CYP3A43: variants seen among roughly 807,000 people sequenced by gnomAD.
CYP3A43 encodes cytochrome P450 3A43.
In CYP3A43, 45 loss-of-function variants were observed where a neutral mutation model predicts 58.0. That is an observed-to-expected ratio of 0.78 (90% CI 0.61 to 0.99). The LOEUF is 0.99. CYP3A43 is among the 50% of genes least tolerant of loss of function. The pLI, the probability that CYP3A43 is intolerant of heterozygous loss-of-function variation, is 0.00. For missense variants in CYP3A43, 593 were observed against 591.9 expected (o/e 1.00, Z -0.02); for synonymous variants, 191 against 201.4 (o/e 0.95, Z 0.44).
rs1290252737 is a variant in CYP3A43, at chr7:99,859,976, G to A, written c.1012G>A (p.Val338Ile). Residue 338 changes from valine (V) to isoleucine (I), a missense_variant, in exon 10 of 13, where the codon GTT becomes ATT. Val to Ile is a conservative substitution (Grantham distance 29). Coordinates refer to ENST00000354829, the MANE Select transcript of CYP3A43 (RefSeq NM_057095.3). ...QQKLQEEIDAVLPNKAPVTYD... is the reference protein window; with the variant it reads ...QQKLQEEIDAILPNKAPVTYD... ...GAAACTGCAGGAGGAGATTGACGCA[G>A]TTTTACCCAATAAGGTAAGGGGATG... The A allele has an allele frequency of 1.0e-5, 16 of 1,605,470 alleles. No homozygotes were observed. The highest frequency in any genetic ancestry group is 1.3e-5 in the Non-Finnish European group (15 of 1,176,224).
intron 1 of CYP3A43, among the ~76,000 whole-genome samples, chr7:99,832,367 G>C (rs1816879731): frequency 6.6e-6 from 1 of 151,888 alleles, no homozygotes; most frequent in Admixed American, 6.6e-5. Flanking sequence ...TGGATCATAG[G>C]GGTGTTTTCA....
Position 99,847,934 on chromosome 7 carries a change from T to A in CYP3A43, c.433-232T>A, listed in dbSNP as rs563997581. 1.0e-4 allele frequency: 56 copies of A among 555,664 alleles called. 1 individual carries two copies. In the South Asian group the frequency reaches 1.1e-3, roughly 11 times the overall value. 34.4% of individuals were successfully genotyped at this position (555,664 alleles called of 1,614,324 possible). A position where few individuals can be genotyped will look rare whatever the true frequency, so the allele number is the denominator to read the frequency against. ...GGCTAAGGCAGAAGAATTGTTTGAA[T>A]CTAGAGGCGGAGGTTGCAATGAGCC... On this transcript the variant is annotated intron_variant, in intron 5 of 12. Transcript: ENST00000354829.
At position 99,863,473 on chromosome 7, in the gene CYP3A43, A is replaced by T; in HGVS notation, c.1254-64A>T. The T allele has an allele frequency of 3.5e-6, 5 of 1,414,292 alleles. No individual in the cohort carries two copies. The South Asian group carries it at 8.1e-5, about 23-fold the overall frequency. 87.6% of individuals were successfully genotyped at this position (1,414,292 alleles called of 1,614,324 possible). On this transcript the variant is annotated intron_variant, in intron 11 of 12. Coordinates refer to ENST00000354829, the MANE Select transcript of CYP3A43 (RefSeq NM_057095.3). ...TCCCAAAAGCCACCACACCCTGCAT[A>T]ACGTGTAGTTTTAATAGTTTTTATG... is the stretch of plus-strand genomic sequence containing the variant.
chr7:99,859,072 A>G (rs1468256929), intron 9 of CYP3A43, among the ~76,000 whole-genome samples: 1 of 152,154 alleles, frequency 6.6e-6, no homozygotes, highest in Non-Finnish European at 1.5e-5. Flanking sequence ...GCTTTCGTAT[A>G]TCCAGAGGTC....
At chr7:99,863,075 T>G (rs1818304163) in intron 11 of CYP3A43, among the ~76,000 whole-genome samples, 1 of 152,214 alleles carries the variant, frequency 6.6e-6, no homozygotes, top group Non-Finnish European at 1.5e-5. Flanking sequence ...AACTATATTC[T>G]ATAGACACCA....
chr7:99,847,127 T>C (rs1817567567), intron 4 of CYP3A43, among the ~76,000 whole-genome samples: 1 of 152,190 alleles, frequency 6.6e-6, no homozygotes, highest in African/African-American at 2.4e-5. Context: ...GACCTGCCTA[T>C]CTGTCACCAG....
At chr7:99,862,687 G>C (rs1039867071) in intron 11 of CYP3A43, among the ~76,000 whole-genome samples, 2 of 152,190 alleles carry the variant, frequency 1.3e-5, no homozygotes, top group Non-Finnish European at 2.9e-5. Flanking sequence ...TAGGGCACTG[G>C]CTGGTGAGGC....
chr7:99,855,006 C>A (rs1817917060), intron 7 of CYP3A43, among the ~76,000 whole-genome samples: 2 of 152,030 alleles, frequency 1.3e-5, no homozygotes, highest in Admixed American at 1.3e-4. Flanking sequence ...TGACTGGGTC[C>A]CAAGTAGCTG....
At chr7:99,849,381 C>A (rs771846101) in intron 6 of CYP3A43, among the ~76,000 whole-genome samples, 165 bp from the exon 7 acceptor site, 2 of 152,170 alleles carry the variant, frequency 1.3e-5, no homozygotes, top group African/African-American at 2.4e-5. Context: ...TCACTGATAC[C>A]CAATAAATGC....
At position 99,855,719 on chromosome 7, in the gene CYP3A43, G is replaced by C; in HGVS notation, c.798+1G>C. The C allele has an allele frequency of 2.5e-6, 4 of 1,603,794 alleles. No homozygotes were observed. Among genetic ancestry groups the C allele is most frequent in the Non-Finnish European group, 3.4e-6 (4 of 1,175,390 alleles). On this transcript the variant is annotated splice_donor_variant, in intron 8 of 12. Coordinates refer to ENST00000354829, the MANE Select transcript of CYP3A43 (RefSeq NM_057095.3). LOFTEE classifies it high-confidence loss of function. Reference sequence around the variant, plus strand: ...AAGTCGCCTCAAAGATAAACAAAAGGTAAAATCTGGTGGTGGTGACATGAG... The same window carrying C: ...AAGTCGCCTCAAAGATAAACAAAAGCTAAAATCTGGTGGTGGTGACATGAG...
intron 3 of CYP3A43, among the ~76,000 whole-genome samples, chr7:99,842,097 T>A (rs577072003): frequency 6.6e-6 from 1 of 152,232 alleles, no homozygotes. Context: ...AAAGATCAAA[T>A]TTTTTAAAGG....
At chr7:99,859,707 C>G (rs1336760548) in intron 9 of CYP3A43, 123 bp from the exon 10 acceptor site, 11 of 1,270,438 alleles carry the variant, frequency 8.7e-6, no homozygotes, top group Non-Finnish European at 1.0e-5. Flanking sequence ...CGCAGTGTGA[C>G]TCTGAATTGC....
chr7:99,844,803 G>T (rs186144151), intron 4 of CYP3A43, among the ~76,000 whole-genome samples: 1 of 152,270 alleles, frequency 6.6e-6, no homozygotes, highest in Admixed American at 6.5e-5. Context: ...GGGTGCGGTG[G>T]CTCACGCCTA....
At chr7:99,836,314 A>G in intron 1 of CYP3A43, 139 bp from the exon 2 acceptor site, 1 of 664,530 alleles carries the variant, frequency 1.5e-6, no homozygotes, top group Non-Finnish European at 2.7e-6. Flanking sequence ...AATTATTGCC[A>G]TCAGAGTTTC....
chr7:99,828,290 G>A, intron 1 of CYP3A43, 104 bp downstream of exon 1: 2 of 886,182 alleles, frequency 2.3e-6, no homozygotes, highest in South Asian at 2.6e-5. Context: ...GATAACGGAG[G>A]GGAAGTTACC....
At chr7:99,855,393 G>T (rs45457898) in intron 7 of CYP3A43, 198 bp from the exon 8 acceptor site, 200 of 574,052 alleles carry the variant, frequency 3.5e-4, no homozygotes, top group African/African-American at 3.4e-3. Flanking sequence ...GCCCCTATGT[G>T]TGGATCTGCT....
intron 1 of CYP3A43, among the ~76,000 whole-genome samples, chr7:99,830,895 A>G (rs1018822967): frequency 6.6e-6 from 1 of 152,236 alleles, no homozygotes; most frequent in Admixed American, 6.5e-5. Flanking sequence ...TTGACCCTAC[A>G]GATGTTACAC....
intron 9 of CYP3A43, among the ~76,000 whole-genome samples, chr7:99,859,222 G>A (rs1818119882): frequency 2.6e-5 from 4 of 152,162 alleles, no homozygotes; most frequent in Admixed American, 2.6e-4. Flanking sequence ...CAGTTTGAGG[G>A]TAGGGTTTGA....
At chr7:99,828,907 G>A (rs1448328502) in intron 1 of CYP3A43, among the ~76,000 whole-genome samples, 1 of 152,146 alleles carries the variant, frequency 6.6e-6, no homozygotes, top group African/African-American at 2.4e-5. Flanking sequence ...CAGGAAAAGA[G>A]AAAAAGTTTG....
Sources: gnomAD v4.1 joint callset for allele counts (sites outside exome capture counted in the v4.1 genomes callset) on GRCh38, gnomAD v4.1.1 for gene constraint, MANE v1.5 for transcripts, NCBI Gene and HGNC (gene_info 2026-07-23, HGNC 2026-07-21) for gene names.